The following PRKAG2 variants were observed in gnomAD, a reference collection of about 807,000 sequenced individuals.
PRKAG2 encodes the protein protein kinase AMP-activated non-catalytic subunit gamma 2.
PRKAG2 carries 26 observed loss-of-function variants against 69.6 expected under a neutral mutation model. That is an observed-to-expected ratio of 0.37 (90% CI 0.27 to 0.52). The LOEUF (loss-of-function observed/expected upper bound fraction) is 0.52, where lower values mean the gene tolerates loss of function less well. Ranked by LOEUF, PRKAG2 falls within the 20% of genes least tolerant of loss-of-function variation. PRKAG2 has a pLI of 0.90. For missense variants in PRKAG2, 557 were observed against 740.0 expected (o/e 0.75, Z 2.87); for synonymous variants, 293 against 285.0 (o/e 1.03, Z -0.28).
intron 4 of PRKAG2, among the ~76,000 whole-genome samples, chr7:151,667,740 G>A (rs1831258791): frequency 6.6e-6 from 1 of 152,216 alleles, no homozygotes; most frequent in Non-Finnish European, 1.5e-5. Context: ...CTAGCCTGCT[G>A]GAAAAGAGAC....
intron 1 of PRKAG2, among the ~76,000 whole-genome samples, chr7:151,804,462 G>A (rs1010096994): frequency 3.3e-5 from 5 of 152,076 alleles, no homozygotes; most frequent in South Asian, 2.1e-4. Context: ...ACAGCATGGG[G>A]GAAACCACCC....
chr7:151,675,901 T>C (rs1001892455), intron 3 of PRKAG2, among the ~76,000 whole-genome samples: 1 of 152,196 alleles, frequency 6.6e-6, no homozygotes, highest in African/African-American at 2.4e-5. Flanking sequence ...ATTCTGAATG[T>C]TGAGGAAAAG....
intron 9 of PRKAG2, 43 bp downstream of exon 9, chr7:151,572,621 C>T: frequency 7.0e-7 from 1 of 1,435,046 alleles, no homozygotes. Context: ...CTAAACATAG[C>T]TTTCCCGATA....
At chr7:151,706,188 CAG>C (rs1162667534) in intron 3 of PRKAG2, among the ~76,000 whole-genome samples, 1 of 152,216 alleles carries the variant, frequency 6.6e-6, no homozygotes, top group East Asian at 1.9e-4. Context: ...TGGTGTCAGT[CAG>C]AGCTCCAGCC....
intron 4 of PRKAG2, among the ~76,000 whole-genome samples, chr7:151,665,583 C>T (rs1374469514): frequency 6.6e-6 from 1 of 152,188 alleles, no homozygotes; most frequent in African/African-American, 2.4e-5. Context: ...CGCCAGCTCT[C>T]GTGATAACCA....
chr7:151,574,030 C>A (rs909292758), intron 8 of PRKAG2, among the ~76,000 whole-genome samples: 15 of 152,176 alleles, frequency 9.9e-5, no homozygotes, highest in African/African-American at 3.6e-4. Context: ...CCACTTACTT[C>A]GGCTTCCCAA....
chr7:151,607,861 G>C (rs1817878220), intron 5 of PRKAG2, among the ~76,000 whole-genome samples: 1 of 152,096 alleles, frequency 6.6e-6, no homozygotes, highest in Non-Finnish European at 1.5e-5. Context: ...TTCTGCAGTG[G>C]GCTGAACAGT....
At chr7:151,856,680 A>G (rs988241688) in intron 1 of PRKAG2, among the ~76,000 whole-genome samples, 3 of 152,218 alleles carry the variant, frequency 2.0e-5, no homozygotes, top group African/African-American at 4.8e-5. Flanking sequence ...CACACCGAAT[A>G]TAACTCAGTG....
At chr7:151,856,337 C>G (rs1429481679) in intron 1 of PRKAG2, among the ~76,000 whole-genome samples, 16 of 152,264 alleles carry the variant, frequency 1.1e-4, no homozygotes, top group Admixed American at 9.2e-4. Flanking sequence ...GCCCGCGCAG[C>G]CGAGGACGCA....
At chr7:151,582,593 T>C (rs931023195) in intron 6 of PRKAG2, among the ~76,000 whole-genome samples, 26 of 151,972 alleles carry the variant, frequency 1.7e-4, no homozygotes, top group African/African-American at 6.3e-4. Flanking sequence ...GCACGTGGAG[T>C]GAATTAAGAG....
chr7:151,610,606 G>A (rs1391382134), intron 5 of PRKAG2, among the ~76,000 whole-genome samples: 1 of 151,130 alleles, frequency 6.6e-6, no homozygotes, highest in East Asian at 2.0e-4. Flanking sequence ...GAACCCAGGA[G>A]GCAGAAGTTG....
intron 3 of PRKAG2, among the ~76,000 whole-genome samples, chr7:151,690,665 T>C (rs148428792): frequency 6.6e-5 from 10 of 152,208 alleles, no homozygotes; most frequent in African/African-American, 1.7e-4. Context: ...AAAAATGATA[T>C]CTGAATACGG....
chr7:151,661,486 G>A (rs1201946015), intron 4 of PRKAG2, among the ~76,000 whole-genome samples: 1 of 152,190 alleles, frequency 6.6e-6, no homozygotes, highest in Non-Finnish European at 1.5e-5. Flanking sequence ...CACGGGCAGA[G>A]CTGTAGAAAT....
At chr7:151,811,891 G>A (rs972226271) in intron 1 of PRKAG2, among the ~76,000 whole-genome samples, 2 of 152,174 alleles carry the variant, frequency 1.3e-5, no homozygotes, top group Non-Finnish European at 2.9e-5. Context: ...GTTGTCCGAG[G>A]GCCCGAGTTT....
chr7:151,828,771 A>C lies in PRKAG2; in HGVS notation c.115-42230T>G, dbSNP rs1472793508. Among the ~76,000 whole-genome samples, 1 of 151,856 alleles carries C rather than the reference A, an allele frequency of 6.6e-6. No homozygotes were observed. Among genetic ancestry groups the C allele is most frequent in the Admixed American group, 6.6e-5 (1 of 15,238 alleles). On this transcript the variant is annotated intron_variant, in intron 1 of 15. Coordinates refer to ENST00000287878, the MANE Select transcript of PRKAG2 (RefSeq NM_016203.4). The surrounding 1 kb of genome is among the most constrained non-coding windows in gnomAD (Gnocchi z 4.6). ...CCCTGTCTTTACAAAAAAAAAAAAA[A>C]CTTTAAAAGTCAGTGGGGCATGGTG...
rs567484257 is a variant in PRKAG2, at chr7:151,683,237, C to T, written c.467-7600G>A. 5.9e-5 allele frequency among the ~76,000 whole-genome samples: 9 copies of T among 152,150 alleles called. No homozygotes were observed. The East Asian group carries it at 7.7e-4, about 13-fold the overall frequency. ...CACAGGGCCTGGCCCTGCTGGCAGGCGCTGGAGAGGAGGAGGAGGAGAACA... is the reference window on the plus strand; with the variant it reads ...CACAGGGCCTGGCCCTGCTGGCAGGTGCTGGAGAGGAGGAGGAGGAGAACA... On this transcript the variant is annotated intron_variant, in intron 3 of 15. Coordinates refer to ENST00000287878, the MANE Select transcript of PRKAG2 (RefSeq NM_016203.4).
intron 3 of PRKAG2, among the ~76,000 whole-genome samples, chr7:151,693,905 A>G (rs367693640): frequency 1.3e-5 from 2 of 152,186 alleles, no homozygotes; most frequent in East Asian, 3.8e-4. Context: ...GGAGTCTCGC[A>G]CTGTTGCCTA....
intron 3 of PRKAG2, among the ~76,000 whole-genome samples, chr7:151,711,647 C>T (rs890041324): frequency 6.6e-6 from 1 of 152,196 alleles, no homozygotes; most frequent in Non-Finnish European, 1.5e-5. Flanking sequence ...ATATTATCCC[C>T]ATTTTATGGA....
chr7:151,602,089 G>A (rs1449200075), intron 5 of PRKAG2, among the ~76,000 whole-genome samples: 1 of 152,226 alleles, frequency 6.6e-6, no homozygotes, highest in Non-Finnish European at 1.5e-5. Flanking sequence ...GTCCGTGTCC[G>A]CCATCGCTGC....
Sources: gnomAD v4.1 joint callset for allele counts (sites outside exome capture counted in the v4.1 genomes callset) on GRCh38, gnomAD v4.1.1 for gene constraint, Gnocchi (gnomAD v3.1) non-coding constraint, MANE v1.5 for transcripts, NCBI Gene and HGNC (gene_info 2026-07-23, HGNC 2026-07-21) for gene names.